Variants in SGSM1 observed in about 807,000 individuals in gnomAD.
SGSM1 encodes RUN and TBC1 domain containing 2.
A neutral mutation model predicts 133.8 loss-of-function variants in SGSM1; 73 were observed. That is an observed-to-expected ratio of 0.55 (90% confidence interval 0.45 to 0.66). SGSM1 has a LOEUF of 0.66. Among genes scored for constraint, SGSM1 ranks in the 30% least tolerant of loss-of-function variants. SGSM1 has a pLI of 0.00. For missense variants in SGSM1, 1,213 were observed against 1,448.1 expected (o/e 0.84, Z 2.64); for synonymous variants, 563 against 573.0 (o/e 0.98, Z 0.25).
intron 13 of SGSM1, among the ~76,000 whole-genome samples, chr22:24,877,299 A>T (rs1932071654): frequency 6.6e-6 from 1 of 152,240 alleles, no homozygotes; most frequent in African/African-American, 2.4e-5. Context: ...TCTTAACTTT[A>T]TATGGCTGTG....
intron 9 of SGSM1, among the ~76,000 whole-genome samples, chr22:24,860,897 T>TAAAAAA (rs554853690): frequency 2.3e-5 from 1 of 43,876 alleles, no homozygotes; most frequent in African/African-American, 8.3e-5. Context: ...GAGACTGTCT[T>TAAAAAA]AAAAAAAAAA....
rs972601154 is a variant in SGSM1 at position 24,927,423 on chromosome 22, C to A, written c.*3149C>A. ...TAAGTCACATGACTCAGCCCAGCTT[C>A]ATAGGGTAGGGAAATAGACTGTACT... On this transcript the variant is annotated 3_prime_UTR_variant, in exon 25 of 25. Coordinates refer to ENST00000400358, the MANE Select transcript of SGSM1 (RefSeq NM_001098497.3). 6 of 152,278 alleles carry A rather than the reference C, an allele frequency of 3.9e-5. No individual in the cohort carries two copies. Among genetic ancestry groups the A allele is most frequent in the Admixed American group, 1.3e-4 (2 of 15,282 alleles). The allele number at this position is 152,278 out of a possible 1,614,324, so 9.4% of individuals were successfully genotyped here.
chr22:24,807,888 C>CGTGTGTGTGTGTGTGT (rs71189301), intron 2 of SGSM1, among the ~76,000 whole-genome samples: 13,894 of 147,560 alleles, frequency 0.094, 668 homozygotes, highest in Non-Finnish European at 0.11. Context: ...TATGTGCCTG[C>CGTGTGTGTGTGTGTGT]GTGTGTGTGT....
intron 24 of SGSM1, among the ~76,000 whole-genome samples, chr22:24,922,763 A>G (rs1934058531): frequency 1.3e-5 from 2 of 152,212 alleles, no homozygotes; most frequent in Non-Finnish European, 2.9e-5. Context: ...GGCGTGAGCC[A>G]CCGGGCCTGG....
intron 8 of SGSM1, among the ~76,000 whole-genome samples, chr22:24,857,984 T>A (rs1306767995): frequency 6.6e-6 from 1 of 152,098 alleles, no homozygotes; most frequent in Non-Finnish European, 1.5e-5. Flanking sequence ...TGTTTTTTGT[T>A]TTTTGTTTTT....
chr22:24,848,025 C>T (rs1410201151), intron 4 of SGSM1, among the ~76,000 whole-genome samples: 1 of 151,956 alleles, frequency 6.6e-6, no homozygotes, highest in East Asian at 1.9e-4. Context: ...TCAGACCTAT[C>T]GTTATCTCAG....
chr22:24,815,749 A>C (rs1215246258), intron 2 of SGSM1, among the ~76,000 whole-genome samples: 1 of 152,032 alleles, frequency 6.6e-6, no homozygotes, highest in Non-Finnish European at 1.5e-5. Flanking sequence ...AAAACAAACA[A>C]ACTGGAATTA....
chr22:24,895,310 C>G lies in SGSM1; in HGVS notation c.2022+19C>G, dbSNP rs556585977. ...CACACAGGTGACCTTGTGGAGGCCT[C>G]GCCCCCTCCCACCCACTCCTCTCCC... is the stretch of plus-strand genomic sequence containing the variant. On this transcript the variant is annotated intron_variant, in intron 18 of 24. Coordinates refer to ENST00000400358, the MANE Select transcript of SGSM1 (RefSeq NM_001098497.3). 2.5e-6 allele frequency: 4 copies of G among 1,603,922 alleles called. No homozygotes were observed. The highest frequency in any genetic ancestry group is 3.4e-6 in the Non-Finnish European group (4 of 1,175,492).
intron 24 of SGSM1, among the ~76,000 whole-genome samples, chr22:24,920,917 C>G (rs961323894): frequency 6.6e-6 from 1 of 152,114 alleles, no homozygotes; most frequent in Non-Finnish European, 1.5e-5. Flanking sequence ...ATCATTGGCA[C>G]GTTACCATCT....
intron 24 of SGSM1, among the ~76,000 whole-genome samples, chr22:24,920,993 G>T (rs915013534): frequency 3.9e-5 from 6 of 152,030 alleles, no homozygotes; most frequent in Non-Finnish European, 8.8e-5. Context: ...CTGTTCTAGG[G>T]TCTAATCCAG....
intron 10 of SGSM1, among the ~76,000 whole-genome samples, chr22:24,867,524 G>C (rs1391462452): frequency 7.2e-5 from 11 of 152,194 alleles, no homozygotes; most frequent in Non-Finnish European, 1.5e-4. Flanking sequence ...GCCACCCACT[G>C]ACAGGGTGAC....
chr22:24,908,816 A>C (rs1399356279), intron 21 of SGSM1, among the ~76,000 whole-genome samples: 5 of 144,800 alleles, frequency 3.5e-5, no homozygotes, highest in African/African-American at 1.4e-4. Flanking sequence ...AAAAAAAAAG[A>C]AAGAAAGACA....
chr22:24,924,282 C>T lies in SGSM1; in HGVS notation c.*8C>T, dbSNP rs1007323005. Reference sequence around the variant, plus strand: ...CTGATTGAGAACAAGTGAGGGGCACCTCACCCCGGCAGCCTCAGCCAAGCT... The same window carrying T: ...CTGATTGAGAACAAGTGAGGGGCACTTCACCCCGGCAGCCTCAGCCAAGCT... On this transcript the variant is annotated 3_prime_UTR_variant, in exon 25 of 25. Coordinates refer to ENST00000400358, the MANE Select transcript of SGSM1 (RefSeq NM_001098497.3). 5.6e-6 allele frequency: 9 copies of T among 1,612,826 alleles called. No homozygotes were observed. The highest frequency in any genetic ancestry group is 1.3e-5 in the African/African-American group (1 of 74,904).
At chr22:24,847,541 C>T in intron 3 of SGSM1, 93 bp from the exon 4 acceptor site, 1 of 1,471,122 alleles carries the variant, frequency 6.8e-7, no homozygotes, top group African/African-American at 1.4e-5. Context: ...AGAGGGCTCT[C>T]CAAGGTTCCA....
rs1601914411 is a variant in SGSM1 at position 24,845,061 on chromosome 22, T to G, written c.139+89T>G. On this transcript the variant is annotated intron_variant, in intron 3 of 24. Coordinates refer to ENST00000400358, the MANE Select transcript of SGSM1 (RefSeq NM_001098497.3). ...TGGAGCCACTGTTTTGCTTTATGACTCTGAAGTTAGTTTTGGATTCCAGAG... is the reference window on the plus strand; with the variant it reads ...TGGAGCCACTGTTTTGCTTTATGACGCTGAAGTTAGTTTTGGATTCCAGAG... The G allele has an allele frequency of 3.8e-6, 5 of 1,306,030 alleles. No individual in the cohort carries two copies. The East Asian group carries it at 1.2e-4, about 30-fold the overall frequency. The allele number at this position is 1,306,030 out of a possible 1,614,324, so 80.9% of individuals were successfully genotyped here. A position where few individuals can be genotyped will look rare whatever the true frequency, so the allele number is the denominator to read the frequency against.
At chr22:24,882,527 G>A (rs190570238) in intron 14 of SGSM1, among the ~76,000 whole-genome samples, 26 of 152,088 alleles carry the variant, frequency 1.7e-4, no homozygotes, top group African/African-American at 2.9e-4. Flanking sequence ...AGAACGTTAC[G>A]GTTCTTCTAT....
intron 15 of SGSM1, among the ~76,000 whole-genome samples, chr22:24,885,917 G>T (rs1171388180): frequency 6.6e-6 from 1 of 152,162 alleles, no homozygotes; most frequent in African/African-American, 2.4e-5. Context: ...GATATCTGAG[G>T]GCTAGGTCCA....
At chr22:24,819,609 G>A (rs367638914) in intron 2 of SGSM1, among the ~76,000 whole-genome samples, 1 of 152,290 alleles carries the variant, frequency 6.6e-6, no homozygotes, top group Non-Finnish European at 1.5e-5. Context: ...CCAGCTATGT[G>A]CTGGGTCCTG....
At chr22:24,909,644 C>T (rs940856815) in intron 21 of SGSM1, among the ~76,000 whole-genome samples, 3 of 151,950 alleles carry the variant, frequency 2.0e-5, no homozygotes, top group Non-Finnish European at 2.9e-5. Context: ...TTAGTAGAGA[C>T]GGGATTTCAC....
Sources: allele counts gnomAD v4.1 joint callset (sites outside exome capture counted in the v4.1 genomes callset), GRCh38; gene constraint gnomAD v4.1.1; transcripts MANE v1.5; gene names NCBI Gene and HGNC (gene_info 2026-07-23, HGNC 2026-07-21).